Variants in ARHGEF18 observed in about 807,000 individuals in gnomAD.
The protein encoded by ARHGEF18 is Rho/Rac guanine nucleotide exchange factor 18.
Under a neutral mutation model 155.7 loss-of-function variants are expected in ARHGEF18, and 93 were observed. That is an observed-to-expected ratio of 0.60 (90% CI 0.50 to 0.71). The LOEUF is 0.71. Ranked by LOEUF, ARHGEF18 falls within the 30% of genes least tolerant of loss-of-function variation. The pLI, the probability that ARHGEF18 is intolerant of heterozygous loss-of-function variation, is 0.00. For missense variants in ARHGEF18, 1,593 were observed against 1,816.1 expected, an observed-to-expected ratio of 0.88 and a Z score of 2.23; for synonymous variants, 742 against 753.1, an observed-to-expected ratio of 0.99 and a Z score of 0.24.
intron 5 of ARHGEF18, 67 bp downstream of exon 5, chr19:7,376,824 G>T: frequency 9.2e-7 from 1 of 1,088,222 alleles, no homozygotes; most frequent in Non-Finnish European, 1.2e-6. Context: ...CCAACATGGT[G>T]AAACCCTGTT....
chr19:7,361,473 G>A (rs776880735), intron 1 of ARHGEF18, among the ~76,000 whole-genome samples: 1 of 152,070 alleles, frequency 6.6e-6, no homozygotes, highest in Non-Finnish European at 1.5e-5. Flanking sequence ...TCCTCAAAAA[G>A]CTAAGCATAG....
chr19:7,357,602 G>A (rs1010071394), intron 1 of ARHGEF18, among the ~76,000 whole-genome samples: 6 of 152,126 alleles, frequency 3.9e-5, no homozygotes, highest in Non-Finnish European at 5.9e-5. Context: ...TTCTCCTCTG[G>A]CTTAGCTCCC....
In ARHGEF18 at chr19:7,405,100, G is replaced by T. The variant is rs557214405; in HGVS notation, c.967+21897G>T. ...AGCCTCCCCAGTAACTGGGATTATA[G>T]GTGCCCGCCACTATGCCCAGCTTAT... On this transcript the variant is annotated intron_variant, in intron 10 of 28. Coordinates refer to ENST00000668164, the MANE Select transcript of ARHGEF18 (RefSeq NM_001367823.1). Among the ~76,000 whole-genome samples, 5 of 152,206 alleles carry T rather than the reference G, an allele frequency of 3.3e-5. No individual in the cohort carries two copies. The East Asian group carries it at 9.7e-4, about 29-fold the overall frequency.
At chr19:7,456,924 CG>C (rs375609482) in intron 18 of ARHGEF18, among the ~76,000 whole-genome samples, 13 of 151,972 alleles carry the variant, frequency 8.6e-5, no homozygotes, top group African/African-American at 3.1e-4. Flanking sequence ...TTAGTAGAGA[CG>C]GGGTTTCACC....
chr19:7,362,865 C>G lies in ARHGEF18; in HGVS notation c.-26C>G. On this transcript the variant is annotated 5_prime_UTR_variant, in exon 2 of 29. Transcript: ENST00000668164. The stretch of plus-strand genomic sequence containing the variant: ...AAGAGCAGCAGTGGATCCTGGAAAC[C>G]TGAGAACCCAGACTTCTTCTCTGCC... The G allele has an allele frequency of 8.1e-7, 1 of 1,234,314 alleles. No individual in the cohort carries two copies. The highest frequency in any genetic ancestry group is 1.0e-6 in the Non-Finnish European group (1 of 988,190). 76.5% of individuals were successfully genotyped at this position (1,234,314 alleles called of 1,614,324 possible).
At chr19:7,460,345 G>A (rs1015509908) in intron 20 of ARHGEF18, among the ~76,000 whole-genome samples, 1 of 152,052 alleles carries the variant, frequency 6.6e-6, no homozygotes, top group Non-Finnish European at 1.5e-5. Context: ...ATAGCACAGG[G>A]TCCCCACAGC....
At chr19:7,465,374 C>A (rs2038869051) in intron 23 of ARHGEF18, among the ~76,000 whole-genome samples, 1 of 151,950 alleles carries the variant, frequency 6.6e-6, no homozygotes, top group African/African-American at 2.4e-5. Context: ...CACCCATAAT[C>A]CCAGTGTTTT....
At chr19:7,442,484 C>T (rs1974724545) in intron 13 of ARHGEF18, among the ~76,000 whole-genome samples, 1 of 152,186 alleles carries the variant, frequency 6.6e-6, no homozygotes, top group Non-Finnish European at 1.5e-5. Context: ...ACCCGCCCGC[C>T]TGGGCCTCCC....
chr19:7,405,883 C>T (rs1459679627), intron 10 of ARHGEF18, among the ~76,000 whole-genome samples: 1 of 152,090 alleles, frequency 6.6e-6, no homozygotes, highest in Non-Finnish European at 1.5e-5. Context: ...CCTCCCAAAA[C>T]ACCGGGATTC....
At position 7,368,149 on chromosome 19, in the gene ARHGEF18, T is replaced by G. The variant is rs142094576; in HGVS notation, c.16-4663T>G. Reference sequence around the variant, plus strand: ...AGGGACACATTATGCTTTGGTGTGTTATCTTTTTCCAACAGACAACAAGAT... The same window carrying G: ...AGGGACACATTATGCTTTGGTGTGTGATCTTTTTCCAACAGACAACAAGAT... On this transcript the variant is annotated intron_variant, in intron 2 of 28. Transcript: ENST00000668164. Among the ~76,000 whole-genome samples, 569 of 152,098 alleles carry G rather than the reference T, an allele frequency of 3.7e-3. 3 individuals are homozygous for G. The highest frequency in any genetic ancestry group is 6.0e-3 in the Non-Finnish European group (410 of 68,002).
chr19:7,451,134 CT>C lies in ARHGEF18; in HGVS notation c.1738-12del. On this transcript the variant is annotated splice_polypyrimidine_tract_variant and intron_variant, in intron 15 of 28. Transcript: ENST00000668164. ...TCTGAGATGTTAATACAGGATCTTG[CT>C]TTCTGTTTCCTAGAAAATTGGCAAC... 6.7e-7 allele frequency: 1 copy of C among 1,502,718 alleles called. No individual in the cohort carries two copies. The highest frequency in any genetic ancestry group is 8.8e-7 in the Non-Finnish European group (1 of 1,130,586). 93.1% of individuals were successfully genotyped at this position (1,502,718 alleles called of 1,614,324 possible).
At chr19:7,414,110 C>T (rs1972852208) in intron 10 of ARHGEF18, among the ~76,000 whole-genome samples, 1 of 152,040 alleles carries the variant, frequency 6.6e-6, no homozygotes, top group Admixed American at 6.6e-5. Context: ...GGGATGGGAC[C>T]TACCTGGGCA....
chr19:7,467,724 C>A (rs1283891074), intron 26 of ARHGEF18, 40 bp downstream of exon 26: 1 of 1,423,818 alleles, frequency 7.0e-7, no homozygotes. Flanking sequence ...TTGGGGGTGA[C>A]CGGTTTGCAC....
intron 13 of ARHGEF18, among the ~76,000 whole-genome samples, chr19:7,442,420 G>A (rs973812556): frequency 2.6e-5 from 4 of 151,954 alleles, no homozygotes; most frequent in African/African-American, 9.7e-5. Context: ...TTTCTGTAGA[G>A]TTGGGGGTCT....
chr19:7,473,536 G>A (rs555301385), downstream of ARHGEF18, among the ~76,000 whole-genome samples: 4 of 152,134 alleles, frequency 2.6e-5, no homozygotes, highest in East Asian at 1.9e-4. Context: ...GGTTGGCCGG[G>A]CGCAGTGGCT....
intron 23 of ARHGEF18, 76 bp downstream of exon 23, chr19:7,464,766 G>A (rs971566747): frequency 6.4e-7 from 1 of 1,573,490 alleles, no homozygotes; most frequent in African/African-American, 1.4e-5. Context: ...TTCTGCTGGG[G>A]TTGTCCAGTT....
At chr19:7,428,116 C>T (rs1266933111) in intron 10 of ARHGEF18, among the ~76,000 whole-genome samples, 1 of 152,094 alleles carries the variant, frequency 6.6e-6, no homozygotes, top group Non-Finnish European at 1.5e-5. Context: ...TTAATTCCTG[C>T]GGTCATGTTG....
downstream of ARHGEF18, chr19:7,477,336 A>G (rs1299995196): frequency 6.4e-7 from 1 of 1,558,888 alleles, no homozygotes. Flanking sequence ...CGGGGCAGCC[A>G]GTGCACGGCG....
At chr19:7,375,630 G>C (rs955464113) in intron 3 of ARHGEF18, 90 bp from the exon 4 acceptor site, 39 of 1,200,236 alleles carry the variant, frequency 3.2e-5, no homozygotes, top group Non-Finnish European at 3.9e-5. Flanking sequence ...GGGCCCCCTT[G>C]CATGTTCTTT....
Sources: allele counts gnomAD v4.1 joint callset (sites outside exome capture counted in the v4.1 genomes callset), GRCh38; gene constraint gnomAD v4.1.1; transcripts MANE v1.5; gene names NCBI Gene and HGNC (gene_info 2026-07-23, HGNC 2026-07-21).